The following DEPDC1B variants were observed in gnomAD, a reference collection of about 807,000 sequenced individuals.
The protein encoded by DEPDC1B is DEP domain-containing protein 1B.
Under a neutral mutation model 66.5 loss-of-function variants are expected in DEPDC1B, and 51 were observed. That is an observed-to-expected ratio of 0.77 (90% CI 0.61 to 0.97). The LOEUF is 0.97. Ranked by LOEUF, DEPDC1B falls within the 50% of genes least tolerant of loss-of-function variation. DEPDC1B has a pLI of 0.00. For missense variants in DEPDC1B, 552 were observed against 637.1 expected, an observed-to-expected ratio of 0.87 and a Z score of 1.44; for synonymous variants, 226 against 223.6, an observed-to-expected ratio of 1.01 and a Z score of -0.10.
rs192452045 is a variant in DEPDC1B, at chr5:60,662,555, G to A, written c.315-15022C>T. ...CTTTAGTCATGGCCCTCAGGCAAGCGGACTTTGGAGGCTCTAAAACAGGGA... is the reference window on the plus strand; with the variant it reads ...CTTTAGTCATGGCCCTCAGGCAAGCAGACTTTGGAGGCTCTAAAACAGGGA... On this transcript the variant is annotated intron_variant, in intron 2 of 10. Coordinates refer to ENST00000265036, the MANE Select transcript of DEPDC1B (RefSeq NM_018369.3). 9.3e-4 allele frequency among the ~76,000 whole-genome samples: 142 copies of A among 152,296 alleles called. 1 individual carries two copies. Among genetic ancestry groups the A allele is most frequent in the South Asian group, 6.0e-3 (29 of 4,824 alleles).
chr5:60,699,520 T>A (rs1754734990), intron 1 of DEPDC1B, among the ~76,000 whole-genome samples: 1 of 147,720 alleles, frequency 6.8e-6, no homozygotes, highest in Non-Finnish European at 1.5e-5. Context: ...CAGCTCTTCA[T>A]CTGGATCGGT....
At chr5:60,673,273 T>C (rs979908789) in intron 2 of DEPDC1B, among the ~76,000 whole-genome samples, 1 of 152,182 alleles carries the variant, frequency 6.6e-6, no homozygotes, top group Admixed American at 6.5e-5. Flanking sequence ...CATTGCAGCA[T>C]GTGAAACAAT....
chr5:60,647,540 C>T lies in DEPDC1B; in HGVS notation c.315-7G>A, dbSNP rs374833982. 9.9e-6 allele frequency: 16 copies of T among 1,609,590 alleles called. No individual in the cohort carries two copies. In the Admixed American group the frequency reaches 1.4e-4, roughly 14 times the overall value. Reference sequence around the variant, plus strand: ...GGGTGAAGAAGGAGGAAATCTAAAACCCAAGAAGAAATTCTCTATTACTGC... The same window carrying T: ...GGGTGAAGAAGGAGGAAATCTAAAATCCAAGAAGAAATTCTCTATTACTGC... On this transcript the variant is annotated splice_polypyrimidine_tract_variant and splice_region_variant and intron_variant, in intron 2 of 10. Coordinates refer to ENST00000265036, the MANE Select transcript of DEPDC1B (RefSeq NM_018369.3).
rs1753500483 is a variant in DEPDC1B, at chr5:60,653,389, C to T, written c.315-5856G>A. ...TTTTTTCATGTGTTTGTGGGCCATT[C>T]GCATATCTTTTTTTGAGAATTGTCT... On this transcript the variant is annotated intron_variant, in intron 2 of 10. Coordinates refer to ENST00000265036, the MANE Select transcript of DEPDC1B (RefSeq NM_018369.3). Among the ~76,000 whole-genome samples the T allele has an allele frequency of 3.0e-5, 4 of 131,708 alleles. No individual in the cohort carries two copies. The South Asian group carries it at 8.9e-4, about 29-fold the overall frequency. 86.4% of individuals were successfully genotyped at this position (131,708 alleles called of 152,430 possible).
intron 9 of DEPDC1B, among the ~76,000 whole-genome samples, chr5:60,600,178 AAG>A (rs1160182801): frequency 6.6e-6 from 1 of 152,136 alleles, no homozygotes; most frequent in Admixed American, 6.6e-5. Context: ...AGCTTTTAGG[AAG>A]AGAGGGGTAC....
At chr5:60,625,070 T>A (rs1169748840) in intron 7 of DEPDC1B, among the ~76,000 whole-genome samples, 1 of 152,186 alleles carries the variant, frequency 6.6e-6, no homozygotes, top group Non-Finnish European at 1.5e-5. Context: ...GCAAAGGACA[T>A]GAACTCGTCA....
intron 2 of DEPDC1B, among the ~76,000 whole-genome samples, chr5:60,667,693 T>C (rs1304391462): frequency 7.0e-6 from 1 of 142,992 alleles, no homozygotes; most frequent in East Asian, 2.1e-4. Flanking sequence ...ATATAATGGA[T>C]ATTTTACATG....
intron 7 of DEPDC1B, among the ~76,000 whole-genome samples, chr5:60,623,561 C>G (rs753110949): frequency 1.3e-5 from 2 of 152,016 alleles, no homozygotes; most frequent in Non-Finnish European, 2.9e-5. Context: ...CAAAAAAAAG[C>G]TTGGATTTTT....
At chr5:60,630,314 G>GCAC (rs1752893908) in intron 7 of DEPDC1B, among the ~76,000 whole-genome samples, 1 of 152,204 alleles carries the variant, frequency 6.6e-6, no homozygotes, top group Non-Finnish European at 1.5e-5. Context: ...TCCTTGCCCA[G>GCAC]AGTAGGAGCT....
chr5:60,665,401 T>A (rs757209658), intron 2 of DEPDC1B, among the ~76,000 whole-genome samples: 2 of 152,176 alleles, frequency 1.3e-5, no homozygotes, highest in Non-Finnish European at 2.9e-5. Context: ...GGCTATACAT[T>A]TCAATCTCTG....
chr5:60,645,390 T>A, intron 4 of DEPDC1B, 102 bp downstream of exon 4: 1 of 1,188,042 alleles, frequency 8.4e-7, no homozygotes, highest in Non-Finnish European at 1.1e-6. Flanking sequence ...AAGTTGAGAT[T>A]TTTATACATA....
At chr5:60,698,729 G>A (rs563454802) in intron 1 of DEPDC1B, among the ~76,000 whole-genome samples, 4 of 150,304 alleles carry the variant, frequency 2.7e-5, no homozygotes, top group South Asian at 2.1e-4. Flanking sequence ...GCAATGGCGC[G>A]ATCTCAGCTC....
rs1172230220 is a variant in DEPDC1B at position 60,647,493 on chromosome 5, G to A, written c.355C>T (p.Pro119Ser). 3 of 1,612,392 alleles carry A rather than the reference G, an allele frequency of 1.9e-6. No individual in the cohort carries two copies. The highest frequency in any genetic ancestry group is 2.5e-6 in the Non-Finnish European group (3 of 1,179,394). ...SSPLKPYPKK[P>S]PNQKDVIKFP... ...TTAATAACATCCTTTTGGTTTGGGG[G>A]CTTCTTTGGATATGGTTTCAGGGGT... Residue 119 changes from proline to serine, a missense_variant, in exon 3 of 11, where the codon CCC becomes TCC. Physicochemically the swap from Pro to Ser is moderately conservative, Grantham distance 74 (BLOSUM62 -1). Coordinates refer to ENST00000265036, the MANE Select transcript of DEPDC1B (RefSeq NM_018369.3).
chr5:60,659,102 T>C (rs562276402), intron 2 of DEPDC1B, among the ~76,000 whole-genome samples: 4 of 152,316 alleles, frequency 2.6e-5, no homozygotes, highest in African/African-American at 9.6e-5. Flanking sequence ...CAGCTTCTAA[T>C]AGAGCTATAC....
At chr5:60,687,922 T>C (rs1370668267) in intron 1 of DEPDC1B, 2 of 158,254 alleles carry the variant, frequency 1.3e-5, no homozygotes, top group Non-Finnish European at 2.8e-5. Context: ...ATATTATTTA[T>C]TGAGGAGATT....
At chr5:60,613,041 GCTTCT>G (rs1426096142) in intron 7 of DEPDC1B, among the ~76,000 whole-genome samples, 1 of 152,144 alleles carries the variant, frequency 6.6e-6, no homozygotes, top group Non-Finnish European at 1.5e-5. Context: ...TCTTCATTAT[GCTTCT>G]CTTCTCATGA....
At position 60,621,195 on chromosome 5, in the gene DEPDC1B, G is replaced by C. The variant is rs544455944; in HGVS notation, c.899-15339C>G. ...GGAGATATATCTAATGTTAAATGAC[G>C]AGTTAATGGGTGCAGCACACCAACA... is the stretch of plus-strand genomic sequence containing the variant. On this transcript the variant is annotated intron_variant, in intron 7 of 10. Coordinates refer to ENST00000265036, the MANE Select transcript of DEPDC1B (RefSeq NM_018369.3). Among the ~76,000 whole-genome samples the C allele has an allele frequency of 1.1e-4, 16 of 151,418 alleles. No homozygotes were observed. In the South Asian group the frequency reaches 3.3e-3, roughly 32 times the overall value.
intron 2 of DEPDC1B, among the ~76,000 whole-genome samples, chr5:60,676,145 T>C (rs1754153888): frequency 6.6e-6 from 1 of 151,976 alleles, no homozygotes; most frequent in African/African-American, 2.4e-5. Context: ...TTAGCCAGGA[T>C]GGTCTCGATC....
At chr5:60,619,963 C>A (rs1224093838) in intron 7 of DEPDC1B, among the ~76,000 whole-genome samples, 1 of 152,118 alleles carries the variant, frequency 6.6e-6, no homozygotes, top group East Asian at 1.9e-4. Context: ...TGGAACAGAA[C>A]AGAGCCCTCA....
Sources: allele counts gnomAD v4.1 joint callset (sites outside exome capture counted in the v4.1 genomes callset), GRCh38; gene constraint gnomAD v4.1.1; transcripts MANE v1.5; gene names NCBI Gene and HGNC (gene_info 2026-07-23, HGNC 2026-07-21).